Variants in RAPGEF4 observed in about 807,000 individuals in gnomAD.
The protein encoded by RAPGEF4 is RAP guanine-nucleotide-exchange factor (GEF) 4.
In RAPGEF4, 66 loss-of-function variants were observed where a neutral mutation model predicts 147.9. The observed-to-expected ratio is 0.45, with a 90% CI of 0.37 to 0.55. The LOEUF (loss-of-function observed/expected upper bound fraction) is 0.55. Among genes scored for constraint, RAPGEF4 ranks in the 20% least tolerant of loss-of-function variants. RAPGEF4 has a pLI of 0.00. For missense variants in RAPGEF4, 1,071 were observed against 1,257.3 expected (o/e 0.85, Z 2.24); for synonymous variants, 419 against 442.7 (o/e 0.95, Z 0.67).
rs1684830126 is a variant in RAPGEF4, at chr2:173,042,028, C to G, written c.2853+5336C>G. Among the ~76,000 whole-genome samples, 1 of 152,218 alleles carries G rather than the reference C, an allele frequency of 6.6e-6. No homozygotes were observed. The highest frequency in any genetic ancestry group is 6.5e-5 in the Admixed American group (1 of 15,288). On this transcript the variant is annotated intron_variant, in intron 29 of 30. Coordinates refer to ENST00000397081, the MANE Select transcript of RAPGEF4 (RefSeq NM_007023.4). The surrounding 1 kb of genome is among the most constrained non-coding windows in gnomAD (Gnocchi z 4.2). ...ACACCGTTCTGCGACACCCAGCACTCTCCAACACAACCTTGCCTTGATAGG... is the reference window on the plus strand; with the variant it reads ...ACACCGTTCTGCGACACCCAGCACTGTCCAACACAACCTTGCCTTGATAGG...
At chr2:172,790,169 T>C (rs192287032) in intron 1 of RAPGEF4, among the ~76,000 whole-genome samples, 1 of 152,298 alleles carries the variant, frequency 6.6e-6, no homozygotes, top group Non-Finnish European at 1.5e-5. Context: ...TAATATCTCA[T>C]TATGGCTTTG....
chr2:172,927,719 C>G (rs1411459504), intron 6 of RAPGEF4, among the ~76,000 whole-genome samples: 3 of 152,162 alleles, frequency 2.0e-5, no homozygotes, highest in Non-Finnish European at 4.4e-5. Flanking sequence ...CGAGGACCAA[C>G]TGAATTCAAA....
intron 4 of RAPGEF4, among the ~76,000 whole-genome samples, chr2:172,858,905 C>T (rs897057971): frequency 2.6e-5 from 4 of 151,866 alleles, no homozygotes; most frequent in Non-Finnish European, 5.9e-5. Context: ...TTGGGGGGTG[C>T]GGTTGGGGAA....
chr2:172,909,254 T>G (rs1028636585), intron 4 of RAPGEF4, among the ~76,000 whole-genome samples: 1 of 152,196 alleles, frequency 6.6e-6, no homozygotes, highest in African/African-American at 2.4e-5. Context: ...GCTTGAGGCA[T>G]GCATCCTCAA....
Position 172,949,387 on chromosome 2 carries a change from C to T in RAPGEF4, c.538-11373C>T, listed in dbSNP as rs1223551652. On this transcript the variant is annotated intron_variant, in intron 6 of 30. Coordinates refer to ENST00000397081, the MANE Select transcript of RAPGEF4 (RefSeq NM_007023.4). Reference sequence around the variant, plus strand: ...TACTGTAATGGAGATTCAGGAAATGCAGAAAGGTCCTGAGGGTGCACTCAG... The same window carrying T: ...TACTGTAATGGAGATTCAGGAAATGTAGAAAGGTCCTGAGGGTGCACTCAG... Among the ~76,000 whole-genome samples, 5 of 152,062 alleles carry T rather than the reference C, an allele frequency of 3.3e-5. No homozygotes were observed. The East Asian group carries it at 9.6e-4, about 29-fold the overall frequency.
intron 1 of RAPGEF4, among the ~76,000 whole-genome samples, chr2:172,794,347 C>CAAAAAAAAAAAAAAAA (rs59850502): frequency 2.0e-5 from 2 of 101,928 alleles, no homozygotes; most frequent in Non-Finnish European, 3.9e-5. Flanking sequence ...AACTCCATCT[C>CAAAAAAAAAAAAAAAA]AAAAAAAAAA....
chr2:172,881,076 A>G (rs1696564717), intron 4 of RAPGEF4, among the ~76,000 whole-genome samples: 1 of 152,200 alleles, frequency 6.6e-6, no homozygotes, highest in African/African-American at 2.4e-5. Flanking sequence ...ATAAGCAGTA[A>G]TTATTGTCCT....
chr2:173,000,969 T>G (rs1693859951), intron 16 of RAPGEF4, among the ~76,000 whole-genome samples: 1 of 73,788 alleles, frequency 1.4e-5, no homozygotes, highest in South Asian at 3.8e-4. Flanking sequence ...TGCCCACATG[T>G]GACCCTTTAA....
At chr2:173,016,586 C>T in intron 19 of RAPGEF4, 149 bp downstream of exon 19, 3 of 633,242 alleles carry the variant, frequency 4.7e-6, no homozygotes, top group Non-Finnish European at 5.6e-6. Flanking sequence ...ATAGGTGGTG[C>T]AGTAAGGCCA....
At chr2:172,894,889 T>C (rs1698312445) in intron 4 of RAPGEF4, among the ~76,000 whole-genome samples, 1 of 152,118 alleles carries the variant, frequency 6.6e-6, no homozygotes, top group South Asian at 2.1e-4. Context: ...GCAGTGAACA[T>C]TGCGTAGTAA....
rs371701054 is a variant in RAPGEF4 at position 172,863,087 on chromosome 2, C to G, written c.444+48662C>G. Among the ~76,000 whole-genome samples the G allele has an allele frequency of 2.7e-4, 41 of 152,128 alleles. 1 individual carries two copies. The highest frequency in any genetic ancestry group is 9.9e-4 in the African/African-American group (41 of 41,506). ...CAAAAGGGAACATGACAGAATATGG[C>G]AGCAGATTGTATTAAAATAGGGTGA... On this transcript the variant is annotated intron_variant, in intron 4 of 30. Transcript: ENST00000397081.
At chr2:172,842,035 T>C (rs1691670846) in intron 4 of RAPGEF4, among the ~76,000 whole-genome samples, 4 of 152,224 alleles carry the variant, frequency 2.6e-5, no homozygotes, top group Non-Finnish European at 5.9e-5. Flanking sequence ...CTGTGCATTT[T>C]ACTCGGGAGG....
chr2:172,918,665 T>G (rs1276800191), intron 5 of RAPGEF4, among the ~76,000 whole-genome samples: 1 of 152,188 alleles, frequency 6.6e-6, no homozygotes, highest in African/African-American at 2.4e-5. Flanking sequence ...GATCTGTTCA[T>G]GCATGTCGGA....
At chr2:173,011,164 G>GCGCA (rs1193427071) in intron 17 of RAPGEF4, among the ~76,000 whole-genome samples, 64 of 66,086 alleles carry the variant, frequency 9.7e-4, no homozygotes, top group African/African-American at 3.5e-3. Flanking sequence ...ACTTCAGCGC[G>GCGCA]CGCGCGCACA....
At chr2:172,964,803 T>G (rs1285192215) in intron 8 of RAPGEF4, among the ~76,000 whole-genome samples, 1 of 152,202 alleles carries the variant, frequency 6.6e-6, no homozygotes, top group Non-Finnish European at 1.5e-5. Flanking sequence ...CCATGGGGAA[T>G]TTCTGTATTC....
intron 10 of RAPGEF4, among the ~76,000 whole-genome samples, chr2:172,968,786 G>A (rs769994701): frequency 1.3e-5 from 2 of 152,190 alleles, no homozygotes; most frequent in Non-Finnish European, 2.9e-5. Context: ...AGGATCATAG[G>A]AGAGCATGGC....
intron 4 of RAPGEF4, among the ~76,000 whole-genome samples, chr2:172,822,767 T>C (rs1291331515): frequency 2.0e-5 from 3 of 152,318 alleles, no homozygotes; most frequent in East Asian, 3.9e-4. Context: ...CAGGACTCTG[T>C]TGACACCTCA....
At chr2:172,764,613 G>A (rs2149474921) in intron 1 of RAPGEF4, among the ~76,000 whole-genome samples, 1 of 152,318 alleles carries the variant, frequency 6.6e-6, no homozygotes, top group South Asian at 2.1e-4. Flanking sequence ...GGACTCTTCA[G>A]TTTGGATGCC....
At chr2:173,007,199 G>A (rs75529611) in intron 17 of RAPGEF4, among the ~76,000 whole-genome samples, 6,215 of 152,246 alleles carry the variant, frequency 0.041, 346 homozygotes, top group African/African-American at 0.12. Context: ...ATTAGGGCAC[G>A]TCCTAACTGC....
Sources: allele counts gnomAD v4.1 joint callset (sites outside exome capture counted in the v4.1 genomes callset), GRCh38; gene constraint gnomAD v4.1.1; non-coding constraint Gnocchi (gnomAD v3.1); transcripts MANE v1.5; gene names NCBI Gene and HGNC (gene_info 2026-07-23, HGNC 2026-07-21).